The following CORIN variants were observed in gnomAD, a reference collection of about 807,000 sequenced individuals.
CORIN encodes corin, serine peptidase, also known as atrial natriuretic peptide-converting enzyme.
CORIN carries 117 observed loss-of-function variants against 125.3 expected under a neutral mutation model. That is an observed-to-expected ratio of 0.93 (90% CI 0.80 to 1.09). CORIN has a LOEUF of 1.09. Among genes scored for constraint, CORIN ranks in the 50% least tolerant of loss-of-function variants. The pLI is 0.00. For missense variants in CORIN, 1,253 were observed against 1,306.7 expected, an observed-to-expected ratio of 0.96 and a Z score of 0.63; for synonymous variants, 450 against 466.4, an observed-to-expected ratio of 0.96 and a Z score of 0.45.
At chr4:47,664,224 A>G (rs1030023588) in intron 11 of CORIN, among the ~76,000 whole-genome samples, 1 of 152,172 alleles carries the variant, frequency 6.6e-6, no homozygotes. Flanking sequence ...TGCCTAACAC[A>G]TGGCGCAGCA....
At chr4:47,645,932 A>C (rs1723454159) in intron 13 of CORIN, among the ~76,000 whole-genome samples, 1 of 151,210 alleles carries the variant, frequency 6.6e-6, no homozygotes, top group Admixed American at 6.6e-5. Context: ...AACCCTAGTC[A>C]CTTTTCTCAT....
In CORIN at chr4:47,603,464, GTTGGGCAAGCAGACAGGCCGGA is replaced by G; in HGVS notation, c.2723_2744del (p.Val908AlafsTer6). On this transcript the variant is annotated frameshift_variant, in exon 20 of 22. Transcript: ENST00000273857. LOFTEE classifies it high-confidence loss of function. ...TGTCAGGCTCTAGCCACTGCTCCGG[GTTGGGCAAGCAGACAGGCCGGA>G]CGTAGCCAGTCTCACTGATGTCTTC... 1 of 1,614,190 alleles carries G rather than the reference GTTGGGCAAGCAGACAGGCCGGA, an allele frequency of 6.2e-7. No homozygotes were observed. Among genetic ancestry groups the G allele is most frequent in the South Asian group, 1.1e-5 (1 of 91,084 alleles).
In CORIN at chr4:47,595,509, C is replaced by A. The variant is rs549962865; in HGVS notation, c.*212G>T. On this transcript the variant is annotated 3_prime_UTR_variant, in exon 22 of 22. Transcript: ENST00000273857. ...TCTGCTTTGTTTGCTTTTGTAAAGT[C>A]TTTCATTGAACTTGAAATAAGAGAA... 3 of 362,612 alleles carry A rather than the reference C, an allele frequency of 8.3e-6. No individual in the cohort carries two copies. Among genetic ancestry groups the A allele is most frequent in the East Asian group, 4.3e-5 (1 of 23,006 alleles). The allele number at this position is 362,612 out of a possible 1,614,324, so 22.5% of individuals were successfully genotyped here.
At chr4:47,737,408 C>T (rs1040467918) in intron 5 of CORIN, among the ~76,000 whole-genome samples, 1 of 152,172 alleles carries the variant, frequency 6.6e-6, no homozygotes, top group Non-Finnish European at 1.5e-5. Flanking sequence ...GGTTTTGCCT[C>T]AGCTGTGGAA....
chr4:47,680,980 T>G (rs28667091), intron 7 of CORIN: 69,107 of 151,774 alleles, frequency 0.46, 17,673 homozygotes, highest in Non-Finnish European at 0.59. Context: ...ATGATTCTTT[T>G]TAGCCTGGAC....
At chr4:47,824,374 T>C (rs1017881369) in intron 1 of CORIN, among the ~76,000 whole-genome samples, 1 of 151,762 alleles carries the variant, frequency 6.6e-6, no homozygotes, top group Non-Finnish European at 1.5e-5. Context: ...GCTGAGCTTG[T>C]CATAAAACAA....
intron 17 of CORIN, among the ~76,000 whole-genome samples, chr4:47,625,338 A>C (rs1577750860): frequency 6.6e-6 from 1 of 152,150 alleles, no homozygotes; most frequent in East Asian, 1.9e-4. Context: ...CCAACTTCTT[A>C]GTGGAAATTG....
At chr4:47,646,917 G>C in intron 13 of CORIN, among the ~76,000 whole-genome samples, 1 of 152,058 alleles carries the variant, frequency 6.6e-6, no homozygotes, top group East Asian at 1.9e-4. Context: ...AAAAAAATTG[G>C]TTTTCAAACT....
At chr4:47,635,027 T>C (rs1359074203) in intron 16 of CORIN, among the ~76,000 whole-genome samples, 3 of 152,200 alleles carry the variant, frequency 2.0e-5, no homozygotes, top group Admixed American at 6.5e-5. Flanking sequence ...TAAGAAGACA[T>C]AGGAAATGTA....
At chr4:47,615,966 C>T (rs571142353) in intron 19 of CORIN, among the ~76,000 whole-genome samples, 29 of 152,206 alleles carry the variant, frequency 1.9e-4, no homozygotes, top group African/African-American at 7.0e-4. Flanking sequence ...AGGATGACTC[C>T]TAGGTTTGGT....
intron 12 of CORIN, among the ~76,000 whole-genome samples, chr4:47,658,935 G>A (rs1451648416): frequency 6.6e-6 from 1 of 152,170 alleles, no homozygotes; most frequent in African/African-American, 2.4e-5. Flanking sequence ...TCTGAGCACA[G>A]GCTGTTAGAC....
chr4:47,779,436 CT>C lies in CORIN; in HGVS notation c.409+7288del, dbSNP rs566507308. ...CTTAGCTGCATATTCTTTTTTTTTT[CT>C]TTTTTTTTTTTCTTTTTTAGATGGA... On this transcript the variant is annotated intron_variant, in intron 3 of 21. Coordinates refer to ENST00000273857, the MANE Select transcript of CORIN (RefSeq NM_006587.4). 3.6e-3 allele frequency among the ~76,000 whole-genome samples: 501 copies of C among 140,078 alleles called. 3 individuals are homozygous for C. Among genetic ancestry groups the C allele is most frequent in the Non-Finnish European group, 3.9e-3 (252 of 64,220 alleles). The allele number at this position is 140,078 out of a possible 152,430, so 91.9% of individuals were successfully genotyped here. A position where few individuals can be genotyped will look rare whatever the true frequency, so the allele number is the denominator to read the frequency against.
At position 47,722,413 on chromosome 4, in the gene CORIN, T is replaced by C. The variant is rs528990122; in HGVS notation, c.799+21989A>G. ...GCCCTTTTCGCAATGTTCCTTTTTTTCATCTGACAAAAGAAAGGCACTTTT... is the reference window on the plus strand; with the variant it reads ...GCCCTTTTCGCAATGTTCCTTTTTTCCATCTGACAAAAGAAAGGCACTTTT... On this transcript the variant is annotated intron_variant, in intron 5 of 21. Coordinates refer to ENST00000273857, the MANE Select transcript of CORIN (RefSeq NM_006587.4). Among the ~76,000 whole-genome samples, 11 of 152,344 alleles carry C rather than the reference T, an allele frequency of 7.2e-5. No individual in the cohort carries two copies. The South Asian group carries it at 2.3e-3, about 32-fold the overall frequency.
intron 4 of CORIN, among the ~76,000 whole-genome samples, chr4:47,762,122 G>A (rs1729491832): frequency 1.3e-5 from 2 of 152,138 alleles, no homozygotes; most frequent in African/African-American, 2.4e-5. Context: ...ATATTTGTAT[G>A]TATATGTGTA....
chr4:47,775,178 T>TTTG (rs1353127693), intron 3 of CORIN, among the ~76,000 whole-genome samples: 1 of 151,858 alleles, frequency 6.6e-6, no homozygotes, highest in Non-Finnish European at 1.5e-5. Flanking sequence ...GGCATGCTTT[T>TTTG]TTGTTGTTGT....
chr4:47,653,319 G>A (rs892285384), intron 13 of CORIN, among the ~76,000 whole-genome samples: 2 of 152,154 alleles, frequency 1.3e-5, no homozygotes, highest in Admixed American at 1.3e-4. Flanking sequence ...CTACGGATAA[G>A]GGGGAGGGGT....
At chr4:47,666,477 C>T (rs765556206) in intron 10 of CORIN, among the ~76,000 whole-genome samples, 4 of 152,140 alleles carry the variant, frequency 2.6e-5, no homozygotes, top group East Asian at 1.9e-4. Context: ...AAAGGATGCA[C>T]GCGCTGGTAG....
In CORIN at chr4:47,594,242, T is replaced by C. The variant is rs1721168172; in HGVS notation, c.*1479A>G. On this transcript the variant is annotated 3_prime_UTR_variant, in exon 22 of 22. Transcript: ENST00000273857. ...GACAGGAGATGAATAGTATAGAAAT[T>C]GCTACAACTTTTTGAATTTCAACTA... 2 of 152,510 alleles carry C rather than the reference T, an allele frequency of 1.3e-5. No homozygotes were observed. The highest frequency in any genetic ancestry group is 6.6e-5 in the Admixed American group (1 of 15,224). The allele number at this position is 152,510 out of a possible 1,614,324, so 9.4% of individuals were successfully genotyped here.
intron 2 of CORIN, 130 bp from the exon 3 acceptor site, chr4:47,787,055 C>T (rs968217767): frequency 2.3e-5 from 16 of 691,456 alleles, no homozygotes; most frequent in South Asian, 4.0e-5. Context: ...AACACAAAGA[C>T]GAAGATGAAA....
Sources: allele counts gnomAD v4.1 joint callset (sites outside exome capture counted in the v4.1 genomes callset), GRCh38; gene constraint gnomAD v4.1.1; transcripts MANE v1.5; gene names NCBI Gene and HGNC (gene_info 2026-07-23, HGNC 2026-07-21).